The following EDARADD variants were observed in gnomAD, a reference collection of about 807,000 sequenced individuals.
The protein encoded by EDARADD is ectodysplasin-A receptor-associated adapter protein.
In EDARADD, 20 loss-of-function variants were observed where a neutral mutation model predicts 25.6. The ratio of observed to expected loss-of-function variants is 0.78; its 90% CI spans 0.55 to 1.14. The LOEUF (loss-of-function observed/expected upper bound fraction) is 1.14, where lower values mean the gene tolerates loss of function less well. Among genes scored for constraint, EDARADD ranks in the 50% most tolerant of loss-of-function variants. EDARADD has a pLI of 0.00. For synonymous variants in EDARADD, 86 were observed against 94.4 expected (o/e 0.91, Z 0.52); for missense variants, 225 against 270.1 (o/e 0.83, Z 1.17).
intron 3 of EDARADD, among the ~76,000 whole-genome samples, chr1:236,379,252 C>A (rs1303914774): frequency 6.6e-6 from 1 of 151,862 alleles, no homozygotes; most frequent in Non-Finnish European, 1.5e-5. Flanking sequence ...TGTCTGTAAT[C>A]CCAGCTACTT....
chr1:236,449,536 G>A (rs1431995533), intron 4 of EDARADD, among the ~76,000 whole-genome samples: 1 of 152,200 alleles, frequency 6.6e-6, no homozygotes, highest in Non-Finnish European at 1.5e-5. Flanking sequence ...CTGAGCAGAA[G>A]GCTGGAGTTT....
intron 3 of EDARADD, among the ~76,000 whole-genome samples, chr1:236,421,489 CTTTTTTTTTTT>C (rs34922732): frequency 0.022 from 1,669 of 75,440 alleles, 81 homozygotes; most frequent in African/African-American, 0.073. Flanking sequence ...CTTCCCAGTT[CTTTTTTTTTTT>C]TTTTTTTTTT....
chr1:236,375,983 G>A (rs1167621080), intron 3 of EDARADD, among the ~76,000 whole-genome samples: 2 of 146,132 alleles, frequency 1.4e-5, no homozygotes, highest in Non-Finnish European at 3.0e-5. Flanking sequence ...TACCCAGGCT[G>A]GAGTGCAATG....
At chr1:236,393,391 C>CTTT (rs761525038), upstream of EDARADD, among the ~76,000 whole-genome samples, 51,218 of 87,194 alleles carry the variant, frequency 0.59, 16,415 homozygotes, top group South Asian at 0.69. Context: ...TTCTTTCTTT[C>CTTT]TTTTTTTTTT....
intron 4 of EDARADD, among the ~76,000 whole-genome samples, chr1:236,446,876 G>C (rs1426148381): frequency 6.6e-6 from 1 of 152,178 alleles, no homozygotes; most frequent in Non-Finnish European, 1.5e-5. Flanking sequence ...AAGTGTGCAC[G>C]CACTGTAACG....
At chr1:236,471,106 T>G (rs1296766568) in intron 5 of EDARADD, among the ~76,000 whole-genome samples, 1 of 152,168 alleles carries the variant, frequency 6.6e-6, no homozygotes, top group Non-Finnish European at 1.5e-5. Flanking sequence ...TCTACTCCAG[T>G]TTTATTCTAT....
chr1:236,428,917 C>G (rs1202035211), intron 4 of EDARADD, among the ~76,000 whole-genome samples: 4 of 152,076 alleles, frequency 2.6e-5, no homozygotes, highest in African/African-American at 9.7e-5. Context: ...GCAGATCACT[C>G]GCGGTCAGGA....
chr1:236,456,673 C>T lies in EDARADD; in HGVS notation c.220-11558C>T, dbSNP rs1456323704. Among the ~76,000 whole-genome samples the T allele has an allele frequency of 3.3e-5, 5 of 151,912 alleles. 1 individual carries two copies. The highest frequency in any genetic ancestry group is 4.2e-4 in the South Asian group (2 of 4,794). On this transcript the variant is annotated intron_variant, in intron 4 of 5. Coordinates refer to ENST00000334232, the MANE Select transcript of EDARADD (RefSeq NM_145861.4). ...CCGCTGGGAACAAACCCTCTACCCG[C>T]GACTCTGAAGTTCCCTCTCTGACCC...
intron 5 of EDARADD, among the ~76,000 whole-genome samples, chr1:236,476,352 C>T (rs997700052): frequency 2.6e-5 from 4 of 151,948 alleles, no homozygotes; most frequent in Admixed American, 2.0e-4. Context: ...TAATTCTGGA[C>T]TTAGTGGTTT....
chr1:236,402,770 G>A (rs367597899), intron 1 of EDARADD, among the ~76,000 whole-genome samples: 15 of 152,014 alleles, frequency 9.9e-5, no homozygotes, highest in African/African-American at 3.6e-4. Flanking sequence ...AAGCCAGAAA[G>A]TCCCAGATAC....
chr1:236,369,407 G>A (rs1289955387), intron 3 of EDARADD, among the ~76,000 whole-genome samples: 4 of 152,124 alleles, frequency 2.6e-5, no homozygotes, highest in African/African-American at 9.7e-5. Context: ...TCCTTATACA[G>A]ATTGCAGAGG....
In EDARADD at chr1:236,355,500, C is replaced by CTTTTTTTTTTT. The variant is rs563976436; in HGVS notation, c.-6+4677_-6+4687dup. Reference sequence around the variant, plus strand: ...CACTCATTCTCTTCTGCTTCTTCTTCTTTTTTTTTTTTTTTTTTTTTTTTT... The same window carrying CTTTTTTTTTTT: ...CACTCATTCTCTTCTGCTTCTTCTTCTTTTTTTTTTTTTTTTTTTTTTTTTTTTTTTTTTTT... On this transcript the variant is annotated intron_variant, in intron 3 of 7. Coordinates refer to the EDARADD transcript ENST00000439430. Among the ~76,000 whole-genome samples the CTTTTTTTTTTT allele has an allele frequency of 8.2e-5, 6 of 73,166 alleles. 1 individual carries two copies. Among genetic ancestry groups the CTTTTTTTTTTT allele is most frequent in the South Asian group, 7.2e-4 (1 of 1,398 alleles). The allele number at this position is 73,166 out of a possible 152,430, so 48.0% of individuals were successfully genotyped here. A position where few individuals can be genotyped will look rare whatever the true frequency, so the allele number is the denominator to read the frequency against.
At chr1:236,469,656 G>C (rs779918142) in intron 5 of EDARADD, among the ~76,000 whole-genome samples, 2 of 152,108 alleles carry the variant, frequency 1.3e-5, no homozygotes, top group Non-Finnish European at 2.9e-5. Flanking sequence ...AGGTAACCAA[G>C]CTGAAAAACC....
Position 236,429,407 on chromosome 1 carries a change from T to A in EDARADD, c.219+1957T>A, listed in dbSNP as rs1658035890. Among the ~76,000 whole-genome samples, 5 of 151,602 alleles carry A rather than the reference T, an allele frequency of 3.3e-5. No homozygotes were observed. In the South Asian group the frequency reaches 1.1e-3, roughly 32 times the overall value. On this transcript the variant is annotated intron_variant, in intron 4 of 5. Coordinates refer to ENST00000334232, the MANE Select transcript of EDARADD (RefSeq NM_145861.4). The stretch of plus-strand genomic sequence containing the variant: ...TTTATTTATTTTTTTAGACAGAGTC[T>A]CGCTCTGTCACCCAGGCTGGAGTGC...
chr1:236,459,239 A>G (rs1240345119), intron 4 of EDARADD, among the ~76,000 whole-genome samples: 2 of 152,176 alleles, frequency 1.3e-5, no homozygotes, highest in African/African-American at 4.8e-5. Flanking sequence ...TGTCTGTAAT[A>G]TCCATAGCCC....
At chr1:236,462,320 C>G (rs1438810692) in intron 4 of EDARADD, among the ~76,000 whole-genome samples, 1 of 151,934 alleles carries the variant, frequency 6.6e-6, no homozygotes, top group Non-Finnish European at 1.5e-5. Flanking sequence ...CTCCTGATAT[C>G]AGAAGATCAG....
chr1:236,366,607 C>T (rs753093854), intron 3 of EDARADD, among the ~76,000 whole-genome samples: 4 of 152,184 alleles, frequency 2.6e-5, no homozygotes, highest in African/African-American at 9.7e-5. Context: ...CTAACTGCTT[C>T]GGTCTCCCTA....
At chr1:236,411,510 C>T (rs1363405263) in intron 2 of EDARADD, among the ~76,000 whole-genome samples, 1 of 112,830 alleles carries the variant, frequency 8.9e-6, no homozygotes, top group African/African-American at 2.6e-5. Context: ...CCTTCTCCCT[C>T]TCCTTCTTCT....
intron 3 of EDARADD, among the ~76,000 whole-genome samples, chr1:236,364,813 T>G (rs1195219422): frequency 6.6e-6 from 1 of 152,240 alleles, no homozygotes; most frequent in Non-Finnish European, 1.5e-5. Flanking sequence ...ATTTTCTACA[T>G]AGATATCATG....
Sources: gnomAD v4.1 joint callset for allele counts (sites outside exome capture counted in the v4.1 genomes callset) on GRCh38, gnomAD v4.1.1 for gene constraint, MANE v1.5 for transcripts, NCBI Gene and HGNC (gene_info 2026-07-23, HGNC 2026-07-21) for gene names.